OR7C1: variants seen among roughly 807,000 people sequenced by gnomAD.
The protein encoded by OR7C1 is olfactory receptor family 7 subfamily C member 1, also known as olfactory receptor 7C1.
For missense variants in OR7C1, 324 were observed against 383.3 expected, an observed-to-expected ratio of 0.85 and a Z score of 1.29; for synonymous variants, 152 against 160.7, an observed-to-expected ratio of 0.95 and a Z score of 0.41.
At chr19:14,810,036 A>C (rs929865901) in intron 1 of OR7C1, 43 bp from the exon 2 acceptor site, 1 of 151,904 alleles carries the variant, frequency 6.6e-6, no homozygotes, top group African/African-American at 2.4e-5. Context: ...CCGGAGGCTG[A>C]ATTCTCAGGG....
intron 1 of OR7C1, among the ~76,000 whole-genome samples, chr19:14,815,509 T>C (rs2044711873): frequency 1.3e-5 from 2 of 152,228 alleles, no homozygotes; most frequent in Admixed American, 1.3e-4. Context: ...CCTGTCTCTC[T>C]GGTATTGGCT....
At chr19:14,808,897 A>G (rs1211464621) in intron 2 of OR7C1, among the ~76,000 whole-genome samples, 1 of 152,028 alleles carries the variant, frequency 6.6e-6, no homozygotes. Flanking sequence ...TTGGTGAAAT[A>G]TATTTTGATT....
intron 1 of OR7C1, among the ~76,000 whole-genome samples, chr19:14,832,106 T>C (rs1392502855): frequency 6.6e-6 from 1 of 152,088 alleles, no homozygotes; most frequent in Non-Finnish European, 1.5e-5. Context: ...GACAGGGTCT[T>C]GTTTTGTTGC....
exon 5 of OR7C1, chr19:14,799,675 C>T (rs751890179): frequency 2.7e-5 from 43 of 1,613,916 alleles, no homozygotes; most frequent in South Asian, 3.3e-5. Context: ...GCAGGGAACC[C>T]ATGACACTGA....
chr19:14,807,350 G>A (rs1189604933), intron 2 of OR7C1, among the ~76,000 whole-genome samples: 2 of 151,932 alleles, frequency 1.3e-5, no homozygotes, highest in African/African-American at 2.4e-5. Flanking sequence ...ATATTTGGAA[G>A]TGGTCATGTG....
At chr19:14,827,031 C>T (rs1025649284) in intron 1 of OR7C1, 2 of 325,964 alleles carry the variant, frequency 6.1e-6, no homozygotes, top group Non-Finnish European at 1.1e-5. Flanking sequence ...TGGAAATCTC[C>T]AAAGTGTTTC....
intron 1 of OR7C1, among the ~76,000 whole-genome samples, chr19:14,834,485 A>T (rs1383526653): frequency 6.6e-6 from 1 of 152,234 alleles, no homozygotes; most frequent in Non-Finnish European, 1.5e-5. Flanking sequence ...CACGCAAGTG[A>T]GGAAATAAAT....
intron 2 of OR7C1, among the ~76,000 whole-genome samples, chr19:14,807,678 C>T (rs1291974627): frequency 6.6e-6 from 1 of 151,772 alleles, no homozygotes; most frequent in Non-Finnish European, 1.5e-5. Context: ...TGGTGGATCA[C>T]GAGGTCAGGA....
chr19:14,827,261 C>T (rs2044776696), intron 1 of OR7C1: 1 of 1,512,558 alleles, frequency 6.6e-7, no homozygotes, highest in African/African-American at 1.4e-5. Flanking sequence ...GTTACTACCT[C>T]TGAAGCTTAG....
At chr19:14,823,656 A>T (rs1362561948) in intron 1 of OR7C1, among the ~76,000 whole-genome samples, 2 of 152,098 alleles carry the variant, frequency 1.3e-5, no homozygotes, top group African/African-American at 4.8e-5. Flanking sequence ...CTATTATTCC[A>T]CATTCTATAT....
exon 5 of OR7C1, chr19:14,799,140 C>G (rs758105710): frequency 6.4e-7 from 1 of 1,555,496 alleles, no homozygotes; most frequent in Non-Finnish European, 8.7e-7. Context: ...CAAGAACCAC[C>G]AAAAGTGCCT....
intron 1 of OR7C1, among the ~76,000 whole-genome samples, chr19:14,822,612 G>A (rs2044746481): frequency 6.6e-6 from 1 of 151,784 alleles, no homozygotes; most frequent in Non-Finnish European, 1.5e-5. Flanking sequence ...TTCAACTCTT[G>A]ACCTCGTGAT....
chr19:14,809,753 C>G (rs1377386852), intron 2 of OR7C1, 53 bp downstream of exon 2: 1 of 152,232 alleles, frequency 6.6e-6, no homozygotes, highest in Non-Finnish European at 1.5e-5. Flanking sequence ...TCCCAGAAGA[C>G]TTGGTTAATA....
intron 1 of OR7C1, among the ~76,000 whole-genome samples, chr19:14,813,006 A>G (rs1043017782): frequency 6.7e-5 from 10 of 150,274 alleles, no homozygotes; most frequent in Admixed American, 6.6e-4. Context: ...CGGAGGTTGC[A>G]GTGAGCCAAG....
intron 1 of OR7C1, among the ~76,000 whole-genome samples, chr19:14,829,455 G>A (rs570388419): frequency 2.0e-5 from 3 of 152,152 alleles, no homozygotes; most frequent in Non-Finnish European, 4.4e-5. Flanking sequence ...CGCTCACCTC[G>A]GCCTCCCAAA....
intron 1 of OR7C1, among the ~76,000 whole-genome samples, chr19:14,812,320 C>T (rs1021267631): frequency 3.3e-5 from 5 of 152,166 alleles, no homozygotes; most frequent in African/African-American, 1.2e-4. Context: ...GAAGTGAAAT[C>T]AAAGACAGGC....
At chr19:14,800,080 T>G (rs777722744) in exon 5 of OR7C1, 17 of 1,603,002 alleles carry the variant, frequency 1.1e-5, no homozygotes, top group Non-Finnish European at 1.4e-5. Flanking sequence ...TCTCTGACGT[T>G]GCTGAAAATC....
At chr19:14,799,056 C>T (rs1226696749) in exon 5 of OR7C1, 2 of 1,303,250 alleles carry the variant, frequency 1.5e-6, no homozygotes, top group East Asian at 2.4e-5. Context: ...TTCTTTCTAG[C>T]TCCTGTATCA....
At chr19:14,827,904 A>G (rs1303628806) in intron 1 of OR7C1, 1 of 1,614,102 alleles carries the variant, frequency 6.2e-7, no homozygotes, top group Non-Finnish European at 8.5e-7. Context: ...GGACAGGAGG[A>G]AGTTTTCAAA....
Sources: gnomAD v4.1 joint callset for allele counts (sites outside exome capture counted in the v4.1 genomes callset) on GRCh38, gnomAD v4.1.1 for gene constraint, MANE v1.5 for transcripts, NCBI Gene and HGNC (gene_info 2026-07-23, HGNC 2026-07-21) for gene names.